KIRREL3: variants seen among roughly 807,000 people sequenced by gnomAD.
KIRREL3 encodes the protein kirre like nephrin family adhesion molecule 3, also known as kin of IRRE-like protein 3.
In KIRREL3, 36 loss-of-function variants were observed where a neutral mutation model predicts 89.7. That is an observed-to-expected ratio of 0.40 (90% CI 0.31 to 0.53). KIRREL3 has a LOEUF of 0.53. Among genes scored for constraint, KIRREL3 ranks in the 20% least tolerant of loss-of-function variants. The probability of loss-of-function intolerance (pLI) is 0.49; values close to 1 mark genes in which losing one functional copy is unlikely to be tolerated. For synonymous variants in KIRREL3, 445 were observed against 441.4 expected, an observed-to-expected ratio of 1.01 and a Z score of -0.10; for missense variants, 864 against 1,056.6, an observed-to-expected ratio of 0.82 and a Z score of 2.53.
At chr11:126,956,553 A>C (rs962893599) in intron 1 of KIRREL3, among the ~76,000 whole-genome samples, 1 of 152,194 alleles carries the variant, frequency 6.6e-6, no homozygotes, top group Non-Finnish European at 1.5e-5. Context: ...TATCCACAAG[A>C]AGCAGCAGCC....
intron 7 of KIRREL3, among the ~76,000 whole-genome samples, chr11:126,456,016 T>G (rs1280826101): frequency 6.7e-6 from 1 of 148,868 alleles, no homozygotes; most frequent in East Asian, 2.0e-4. Context: ...TTCTCCTGGT[T>G]GTTCTGGTTT....
At chr11:126,542,391 T>C (rs969124783) in intron 2 of KIRREL3, among the ~76,000 whole-genome samples, 1 of 152,184 alleles carries the variant, frequency 6.6e-6, no homozygotes, top group Non-Finnish European at 1.5e-5. Flanking sequence ...AGGGTGTGTA[T>C]AATCTAGAAT....
At position 126,778,431 on chromosome 11, in the gene KIRREL3, G is replaced by A. The variant is rs1010759516; in HGVS notation, c.56-215519C>T. The stretch of plus-strand genomic sequence containing the variant: ...TCCATAAATACACTTCCACACCATA[G>A]CATTTAATGTCTACAAGCTATGCAA... On this transcript the variant is annotated intron_variant, in intron 1 of 16. Coordinates refer to ENST00000525144, the MANE Select transcript of KIRREL3 (RefSeq NM_032531.4). The surrounding 1 kb of genome is among the most constrained non-coding windows in gnomAD (Gnocchi z 4.5). 2.0e-5 allele frequency among the ~76,000 whole-genome samples: 3 copies of A among 152,138 alleles called. No individual in the cohort carries two copies. Among genetic ancestry groups the A allele is most frequent in the Admixed American group, 6.5e-5 (1 of 15,274 alleles).
At position 126,796,190 on chromosome 11, in the gene KIRREL3, T is replaced by TA. The variant is rs563228841; in HGVS notation, c.55+204264dup. ...AGAGGTCATGAAGGGAAGAAGGGGT[T>TA]AAAAAAAAAAAAGGCAAGACACAAC... On this transcript the variant is annotated intron_variant, in intron 1 of 16. Coordinates refer to ENST00000525144, the MANE Select transcript of KIRREL3 (RefSeq NM_032531.4). This position sits in a 1 kb window ranked among gnomAD's most constrained non-coding sequence, Gnocchi z 5.1. Among the ~76,000 whole-genome samples, 965 of 142,266 alleles carry TA rather than the reference T, an allele frequency of 6.8e-3. 13 individuals carry two copies. Among genetic ancestry groups the TA allele is most frequent in the South Asian group, 0.039 (173 of 4,464 alleles). 93.3% of individuals were successfully genotyped at this position (142,266 alleles called of 152,430 possible). A position where few individuals can be genotyped will look rare whatever the true frequency, so the allele number is the denominator to read the frequency against.
chr11:126,785,788 C>T (rs1306774011), intron 1 of KIRREL3, among the ~76,000 whole-genome samples: 2 of 141,256 alleles, frequency 1.4e-5, no homozygotes, highest in Non-Finnish European at 3.0e-5. Flanking sequence ...GCAGGGGAAT[C>T]GCTTGAACCC....
rs1030897264 is a variant in KIRREL3, at chr11:126,571,631, A to T, written c.56-8719T>A. ...TGCTGTTATTATTCCTATTTGACAG[A>T]AGGGAAACCGAGGATCCAAAAGGTT... On this transcript the variant is annotated intron_variant, in intron 1 of 16. Transcript: ENST00000525144. This position sits in a 1 kb window ranked among gnomAD's most constrained non-coding sequence, Gnocchi z 7.7. Among the ~76,000 whole-genome samples the T allele has an allele frequency of 8.5e-5, 13 of 152,336 alleles. No individual in the cohort carries two copies. The highest frequency in any genetic ancestry group is 3.1e-4 in the African/African-American group (13 of 41,566).
chr11:126,493,059 G>C (rs987761596), intron 4 of KIRREL3, among the ~76,000 whole-genome samples: 1 of 152,346 alleles, frequency 6.6e-6, no homozygotes, highest in African/African-American at 2.4e-5. Context: ...AGGGATTGAC[G>C]TGGAGCGTCA....
chr11:126,605,025 G>A lies in KIRREL3; in HGVS notation c.56-42113C>T, dbSNP rs563174782. On this transcript the variant is annotated intron_variant, in intron 1 of 16. Coordinates refer to ENST00000525144, the MANE Select transcript of KIRREL3 (RefSeq NM_032531.4). This position sits in a 1 kb window ranked among gnomAD's most constrained non-coding sequence, Gnocchi z 5.7. ...AGTGGCAGATGAGATTATTATTACT[G>A]CTTCCTTCACCTCAACAAAGACCCA... Among the ~76,000 whole-genome samples the A allele has an allele frequency of 6.6e-6, 1 of 152,336 alleles. No homozygotes were observed. Among genetic ancestry groups the A allele is most frequent in the East Asian group, 1.9e-4 (1 of 5,188 alleles).
chr11:126,660,233 G>T (rs1945333677), intron 1 of KIRREL3, among the ~76,000 whole-genome samples: 1 of 152,098 alleles, frequency 6.6e-6, no homozygotes, highest in African/African-American at 2.4e-5. Context: ...AATACCCTGG[G>T]GATCACTTTT....
Position 126,456,357 on chromosome 11 carries a change from G to T in KIRREL3, c.840C>A (p.Thr280=). Residue 280 remains threonine, a synonymous_variant, in exon 7 of 17, where the codon ACC becomes ACA. Coordinates refer to ENST00000525144, the MANE Select transcript of KIRREL3 (RefSeq NM_032531.4). ...TCAGCAGTGACTCTCACCTGTACTG[G>T]GTGACAGCTGGGTTGGCCTTTGCAG... ...HCSAKANPAV[T]QYRWAKRGQI... 2 of 1,582,124 alleles carry T rather than the reference G, an allele frequency of 1.3e-6. No homozygotes were observed. The highest frequency in any genetic ancestry group is 1.2e-5 in the South Asian group (1 of 85,992).
intron 1 of KIRREL3, among the ~76,000 whole-genome samples, chr11:126,972,168 TAGAGAG>T (rs61426707): frequency 0.23 from 27,378 of 119,894 alleles, 3,391 homozygotes; most frequent in African/African-American, 0.37. Context: ...GAGGGTCTGG[TAGAGAG>T]AGAGAGAGAG....
intron 6 of KIRREL3, among the ~76,000 whole-genome samples, chr11:126,461,213 TG>T (rs1336574278): frequency 6.6e-6 from 1 of 152,362 alleles, no homozygotes; most frequent in East Asian, 1.9e-4. Context: ...CTGGACTGCA[TG>T]GCTTTGCGGC....
Position 126,610,056 on chromosome 11 carries a change from A to G in KIRREL3, c.56-47144T>C, listed in dbSNP as rs3016296. On this transcript the variant is annotated intron_variant, in intron 1 of 16. Transcript: ENST00000525144. This position sits in a 1 kb window ranked among gnomAD's most constrained non-coding sequence, Gnocchi z 4.6. ...CGAAGTCACACATTGTTTCAGTTACAAAGTTAGGCCTGACCTGACTCCAAA... is the reference window on the plus strand; with the variant it reads ...CGAAGTCACACATTGTTTCAGTTACGAAGTTAGGCCTGACCTGACTCCAAA... Among the ~76,000 whole-genome samples the G allele has an allele frequency of 6.6e-6, 1 of 152,112 alleles. No homozygotes were observed. Among genetic ancestry groups the G allele is most frequent in the African/African-American group, 2.4e-5 (1 of 41,424 alleles).
chr11:126,843,881 C>A lies in KIRREL3; in HGVS notation c.55+156574G>T, dbSNP rs903713703. On this transcript the variant is annotated intron_variant, in intron 1 of 16. Transcript: ENST00000525144. This position sits in a 1 kb window ranked among gnomAD's most constrained non-coding sequence, Gnocchi z 4.6. The stretch of plus-strand genomic sequence containing the variant: ...ATGCCATGGCAACATCAGAAAGTTA[C>A]CCTACCTGGGCTCAAAAGGGGAGGC... 6.6e-6 allele frequency among the ~76,000 whole-genome samples: 1 copy of A among 152,136 alleles called. No individual in the cohort carries two copies. The highest frequency in any genetic ancestry group is 2.4e-5 in the African/African-American group (1 of 41,420).
intron 4 of KIRREL3, among the ~76,000 whole-genome samples, chr11:126,514,427 C>G (rs1958336969): frequency 6.6e-6 from 1 of 152,118 alleles, no homozygotes; most frequent in Non-Finnish European, 1.5e-5. Flanking sequence ...ATCATATCTT[C>G]CTGCCTTGCT....
chr11:126,570,377 A>G lies in KIRREL3; in HGVS notation c.56-7465T>C, dbSNP rs1236086232. Among the ~76,000 whole-genome samples the G allele has an allele frequency of 6.6e-6, 1 of 152,234 alleles. No homozygotes were observed. Among genetic ancestry groups the G allele is most frequent in the East Asian group, 1.9e-4 (1 of 5,206 alleles). On this transcript the variant is annotated intron_variant, in intron 1 of 16. Transcript: ENST00000525144. The surrounding 1 kb of genome is among the most constrained non-coding windows in gnomAD (Gnocchi z 6.1). ...TATTACATACCAATTAAATTCATAT[A>G]AGAGGAATCTGAAACAGCTGTGGTC...
chr11:126,754,134 T>A lies in KIRREL3; in HGVS notation c.56-191222A>T, dbSNP rs1949420030. ...GCATAACCATTTGAATTAATTTAATTTGAAATATCAAATTAAATTAAACTG... is the reference window on the plus strand; with the variant it reads ...GCATAACCATTTGAATTAATTTAATATGAAATATCAAATTAAATTAAACTG... On this transcript the variant is annotated intron_variant, in intron 1 of 16. Transcript: ENST00000525144. The surrounding 1 kb of genome is among the most constrained non-coding windows in gnomAD (Gnocchi z 5.1). Among the ~76,000 whole-genome samples, 1 of 152,202 alleles carries A rather than the reference T, an allele frequency of 6.6e-6. No individual in the cohort carries two copies. The highest frequency in any genetic ancestry group is 2.1e-4 in the South Asian group (1 of 4,832).
rs1949827776 is a variant in KIRREL3 at position 126,985,219 on chromosome 11, G to C, written c.55+15236C>G. Among the ~76,000 whole-genome samples the C allele has an allele frequency of 6.6e-6, 1 of 152,118 alleles. No individual in the cohort carries two copies. The highest frequency in any genetic ancestry group is 1.5e-5 in the Non-Finnish European group (1 of 68,030). On this transcript the variant is annotated intron_variant, in intron 1 of 16. Coordinates refer to ENST00000525144, the MANE Select transcript of KIRREL3 (RefSeq NM_032531.4). The surrounding 1 kb of genome is among the most constrained non-coding windows in gnomAD (Gnocchi z 5.3). ...TTCATGGGTTTGCAAGTGAAATGCT[G>C]GGCACGGAAAGGTAGGAGTTGTCCA...
At chr11:126,634,373 C>T (rs1013706133) in intron 1 of KIRREL3, among the ~76,000 whole-genome samples, 10 of 152,208 alleles carry the variant, frequency 6.6e-5, no homozygotes, top group South Asian at 2.1e-4. Flanking sequence ...TGTATTGTAC[C>T]GCTGGCCAGT....
Sources: gnomAD v4.1 joint callset for allele counts (sites outside exome capture counted in the v4.1 genomes callset) on GRCh38, gnomAD v4.1.1 for gene constraint, Gnocchi (gnomAD v3.1) non-coding constraint, MANE v1.5 for transcripts, NCBI Gene and HGNC (gene_info 2026-07-23, HGNC 2026-07-21) for gene names.